Variants in ACTN3 observed in about 807,000 individuals in gnomAD.
ACTN3 encodes the protein alpha-actinin-3.
A neutral mutation model predicts 119.6 loss-of-function variants in ACTN3; 91 were observed. That is an observed-to-expected ratio of 0.76 (90% CI 0.64 to 0.91). The LOEUF (loss-of-function observed/expected upper bound fraction) is 0.91. Among genes scored for constraint, ACTN3 ranks in the 40% least tolerant of loss-of-function variants. The probability of loss-of-function intolerance (pLI) is 0.00; values close to 1 mark genes in which losing one functional copy is unlikely to be tolerated. For missense variants in ACTN3, 1,221 were observed against 1,215.1 expected, an observed-to-expected ratio of 1.00 and a Z score of -0.07; for synonymous variants, 456 against 478.8, an observed-to-expected ratio of 0.95 and a Z score of 0.62.
intron 2 of ACTN3, 27 bp downstream of exon 2, chr11:66,551,380 G>T: frequency 1.3e-6 from 2 of 1,584,540 alleles, no homozygotes; most frequent in Middle Eastern, 1.7e-4. Flanking sequence ...AGTGCACCTG[G>T]GCCCCAGGAC....
intron 4 of ACTN3, 64 bp from the exon 5 acceptor site, chr11:66,554,472 A>G: frequency 8.1e-7 from 1 of 1,233,522 alleles, no homozygotes; most frequent in Non-Finnish European, 1.1e-6. Flanking sequence ...AAAAAAAAAA[A>G]GAAGTGTGAG....
In ACTN3 at chr11:66,562,909, G is replaced by A. The variant is rs575752752; in HGVS notation, c.2502G>A (p.Thr834=). Residue 834 remains threonine, a synonymous_variant, in exon 20 of 21, where the codon ACG becomes ACA. Transcript: ENST00000513398. ...CCCGAGAGACAGCCGAGACTGACAC[G>A]ACTGAGCAAGTTGTAGCTTCCTTCA... ...FMTRETAETD[T]TEQVVASFKI... is the part of the protein sequence containing the mutation. The A allele has an allele frequency of 1.9e-5, 30 of 1,613,802 alleles. No individual in the cohort carries two copies. The Admixed American group carries it at 2.5e-4, about 13-fold the overall frequency.
chr11:66,561,222 C>T lies in ACTN3; in HGVS notation c.1861-5C>T. 1 of 1,550,014 alleles carries T rather than the reference C, an allele frequency of 6.5e-7. No homozygotes were observed. The highest frequency in any genetic ancestry group is 1.2e-5 in the South Asian group (1 of 81,498). On this transcript the variant is annotated splice_polypyrimidine_tract_variant and splice_region_variant and intron_variant, in intron 15 of 20. Coordinates refer to ENST00000513398, the MANE Select transcript of ACTN3 (RefSeq NM_001104.4). Reference sequence around the variant, plus strand: ...CTGGCTCTGGCATAACTGCCCTCCTCCCAGGTCCGAAAGCTGGTGCCCAGC... The same window carrying T: ...CTGGCTCTGGCATAACTGCCCTCCTTCCAGGTCCGAAAGCTGGTGCCCAGC...
In ACTN3 at chr11:66,556,289, G is replaced by A. The variant is rs1038168627; in HGVS notation, c.804+59G>A. ...TGGACCCAAGGGCCCAACCTTGGCTGTAGTCCAACATTGGAGGCGCCAGAC... is the reference window on the plus strand; with the variant it reads ...TGGACCCAAGGGCCCAACCTTGGCTATAGTCCAACATTGGAGGCGCCAGAC... On this transcript the variant is annotated intron_variant, in intron 8 of 20. Coordinates refer to ENST00000513398, the MANE Select transcript of ACTN3 (RefSeq NM_001104.4). The A allele has an allele frequency of 9.7e-6, 15 of 1,549,984 alleles. No homozygotes were observed. In the African/African-American group the frequency reaches 1.1e-4, roughly 11 times the overall value.
chr11:66,557,777 A>C lies in ACTN3; in HGVS notation c.976A>C (p.Lys326Gln), dbSNP rs746190000. The C allele has an allele frequency of 1.2e-6, 2 of 1,613,862 alleles. No individual in the cohort carries two copies. Among genetic ancestry groups the C allele is most frequent in the Middle Eastern group, 3.3e-4 (2 of 6,060 alleles). The change falls in exon 10 of 21, where the codon AAA (lysine) becomes CAA (glutamine). Residue 326 changes from lysine to glutamine, a missense_variant. Lys to Gln is a moderately conservative substitution (Grantham distance 53). Around this residue, in one of 3 missense-constraint regions of ACTN3, gnomAD observed 934 missense variants for 899.9 expected, o/e 1.04. Transcript: ENST00000513398. ...GEPSMSAMQR[K>Q]LEDFRDYRRL... ...GCCCAGCATGAGTGCCATGCAGCGCAAACTAGAGGACTTTCGGGACTACCG... is the reference window on the plus strand; with the variant it reads ...GCCCAGCATGAGTGCCATGCAGCGCCAACTAGAGGACTTTCGGGACTACCG...
At chr11:66,560,465 G>A (rs1857727649) in intron 14 of ACTN3, 108 bp from the exon 15 acceptor site, 4 of 1,480,840 alleles carry the variant, frequency 2.7e-6, no homozygotes, top group South Asian at 1.3e-5. Flanking sequence ...GGGTTCTTGT[G>A]TCAGGACTGC....
At chr11:66,558,897 C>A in intron 11 of ACTN3, 1 of 260,000 alleles carries the variant, frequency 3.8e-6, no homozygotes, top group Non-Finnish European at 7.2e-6. Context: ...ATTCATTGTT[C>A]TGTCGAGGAT....
chr11:66,561,340 C>G lies in ACTN3; in HGVS notation c.1974C>G (p.Pro658=). 1 of 1,611,702 alleles carries G rather than the reference C, an allele frequency of 6.2e-7. No individual in the cohort carries two copies. Among genetic ancestry groups the G allele is most frequent in the Non-Finnish European group, 8.5e-7 (1 of 1,178,974 alleles). ...CGGCCCAGGCCAATGCCATTGGACC[C>G]TGGATCCAGGCGAAGGTGGAGGTAA... is the stretch of plus-strand genomic sequence containing the variant. ...QFAAQANAIG[P]WIQAKVEEVG... is the part of the protein sequence containing the mutation. The change falls in exon 16 of 21, where the codon CCC becomes CCG. Residue 658 remains proline (P), a synonymous_variant. Coordinates refer to ENST00000513398, the MANE Select transcript of ACTN3 (RefSeq NM_001104.4).
At chr11:66,559,454 T>G in intron 12 of ACTN3, 68 bp downstream of exon 12, 1 of 1,256,100 alleles carries the variant, frequency 8.0e-7, no homozygotes, top group Non-Finnish European at 1.0e-6. Flanking sequence ...AGCCCCACCC[T>G]GATCCCCATT....
Position 66,556,184 on chromosome 11 carries a change from T to C in ACTN3, c.758T>C (p.Met253Thr), listed in dbSNP as rs777648091. ...NTPKPDEKAI[M>T]TYVSCFYHAF... The stretch of plus-strand genomic sequence containing the variant: ...CCAAAGCCGGATGAGAAGGCCATCA[T>C]GACCTATGTGTCCTGCTTCTACCAT... Residue 253 changes from methionine (M) to threonine (T), a missense_variant, in exon 8 of 21, where the codon ATG (methionine) becomes ACG (threonine). Around this residue, in one of 3 missense-constraint regions of ACTN3, gnomAD observed 934 missense variants for 899.9 expected, o/e 1.04. Transcript: ENST00000513398. 1 of 1,613,942 alleles carries C rather than the reference T, an allele frequency of 6.2e-7. No homozygotes were observed. The highest frequency in any genetic ancestry group is 1.1e-5 in the South Asian group (1 of 91,050).
At position 66,561,740 on chromosome 11, in the gene ACTN3, G is replaced by A. The variant is rs1310995702; in HGVS notation, c.2175+103G>A. On this transcript the variant is annotated intron_variant, in intron 17 of 20. Coordinates refer to ENST00000513398, the MANE Select transcript of ACTN3 (RefSeq NM_001104.4). ...CATGTGTGTCCCAGCAGAGTCCCCA[G>A]TTCAGCTTGGCCAGGTCCCTTAAGA... is the stretch of plus-strand genomic sequence containing the variant. 3 of 1,387,374 alleles carry A rather than the reference G, an allele frequency of 2.2e-6. No individual in the cohort carries two copies. In the South Asian group the frequency reaches 4.2e-5, roughly 20 times the overall value. 85.9% of individuals were successfully genotyped at this position (1,387,374 alleles called of 1,614,324 possible).
Position 66,557,942 on chromosome 11 carries a change from C to A in ACTN3, c.1128+13C>A. The A allele has an allele frequency of 6.2e-7, 1 of 1,613,616 alleles. No individual in the cohort carries two copies. Among genetic ancestry groups the A allele is most frequent in the Non-Finnish European group, 8.5e-7 (1 of 1,179,866 alleles). ...CAAGCTGGTCTCGGTGAGCTCTACA[C>A]ACATTCCCTAGGTGACCTTGAGGTC... On this transcript the variant is annotated intron_variant, in intron 10 of 20. Coordinates refer to ENST00000513398, the MANE Select transcript of ACTN3 (RefSeq NM_001104.4).
intron 1 of ACTN3, among the ~76,000 whole-genome samples, chr11:66,548,754 CTTACCA>C (rs1857415603): frequency 6.6e-6 from 1 of 152,160 alleles, no homozygotes; most frequent in Non-Finnish European, 1.5e-5. Flanking sequence ...CACCTGATGT[CTTACCA>C]TGTGCCAGCG....
At chr11:66,561,844 A>G (rs1188618092) in intron 17 of ACTN3, among the ~76,000 whole-genome samples, 178 bp from the exon 18 acceptor site, 1 of 151,650 alleles carries the variant, frequency 6.6e-6, no homozygotes, top group East Asian at 1.9e-4. Context: ...CTGGTTATCA[A>G]AAGACAGGAA....
chr11:66,560,729 C>G lies in ACTN3; in HGVS notation c.1834C>G (p.Gln612Glu). ...CAATCCCTACATCACCCTCAGCCCGCAGGACATCAACACCAAGTGGGATAT... is the reference window on the plus strand; with the variant it reads ...CAATCCCTACATCACCCTCAGCCCGGAGGACATCAACACCAAGTGGGATAT... ...STNPYITLSP[Q>E]DINTKWDMVR... Residue 612 changes from glutamine (Q) to glutamate (E), a missense_variant, in exon 15 of 21, where the codon CAG becomes GAG. Around this residue, in one of 3 missense-constraint regions of ACTN3, gnomAD observed 934 missense variants for 899.9 expected, o/e 1.04. Transcript: ENST00000513398. 1 of 1,613,100 alleles carries G rather than the reference C, an allele frequency of 6.2e-7. No homozygotes were observed.
chr11:66,560,165 C>T lies in ACTN3; in HGVS notation c.1537-6C>T, dbSNP rs942209244. On this transcript the variant is annotated splice_region_variant and splice_polypyrimidine_tract_variant and intron_variant, in intron 13 of 20. Coordinates refer to ENST00000513398, the MANE Select transcript of ACTN3 (RefSeq NM_001104.4). ...GCTTCTGACCCACTACGCCTCCCAC[C>T]TCTAGCGGATGGAGAAGCTCCTGGA... 6.3e-7 allele frequency: 1 copy of T among 1,598,504 alleles called. No individual in the cohort carries two copies. The highest frequency in any genetic ancestry group is 1.3e-5 in the African/African-American group (1 of 74,648).
At chr11:66,554,665 GT>G (rs1368880341) in intron 5 of ACTN3, 42 bp downstream of exon 5, 6 of 1,540,776 alleles carry the variant, frequency 3.9e-6, no homozygotes, top group Non-Finnish European at 5.3e-6. Flanking sequence ...CCTCTGTGGG[GT>G]ACTGGGCATA....
intron 19 of ACTN3, 139 bp from the exon 20 acceptor site, chr11:66,562,657 G>A: frequency 2.0e-6 from 2 of 1,002,752 alleles, no homozygotes; most frequent in South Asian, 1.6e-5. Context: ...TACAGCCAGG[G>A]CTAAGGTCTC....
chr11:66,558,891 A>G (rs509556), intron 11 of ACTN3: 144,835 of 247,114 alleles, frequency 0.59, 44,593 homozygotes, highest in African/African-American at 0.83. Flanking sequence ...ACATCCATTC[A>G]TTGTTCTGTC....
Sources: allele counts gnomAD v4.1 joint callset (sites outside exome capture counted in the v4.1 genomes callset), GRCh38; gene constraint gnomAD v4.1.1; regional missense constraint gnomAD v4.1.1; transcripts MANE v1.5; gene names NCBI Gene and HGNC (gene_info 2026-07-23, HGNC 2026-07-21).